CDKL1: variants seen among roughly 807,000 people sequenced by gnomAD.
CDKL1 encodes the protein cyclin dependent kinase like 1.
A neutral mutation model predicts 42.0 loss-of-function variants in CDKL1; 41 were observed. The observed-to-expected ratio is 0.98, with a 90% CI of 0.76 to 1.27. The LOEUF (loss-of-function observed/expected upper bound fraction) is 1.27, where lower values mean the gene tolerates loss of function less well. Ranked by LOEUF, CDKL1 falls within the 50% of genes most tolerant of loss-of-function variation. The pLI, the probability that CDKL1 is intolerant of heterozygous loss-of-function variation, is 0.00. For missense variants in CDKL1, 394 were observed against 428.4 expected, an observed-to-expected ratio of 0.92 and a Z score of 0.71; for synonymous variants, 153 against 158.6, an observed-to-expected ratio of 0.96 and a Z score of 0.26.
intron 8 of CDKL1, chr14:50,333,065 GGATA>G: frequency 6.1e-6 from 1 of 162,732 alleles, no homozygotes; most frequent in Non-Finnish European, 1.3e-5. Context: ...GCTCATTCTT[GGATA>G]GATTAGATTA....
chr14:50,329,919 C>G lies in CDKL1; in HGVS notation c.*155G>C. The G allele has an allele frequency of 1.2e-6, 1 of 843,194 alleles. No homozygotes were observed. Among genetic ancestry groups the G allele is most frequent in the Non-Finnish European group, 1.7e-6 (1 of 573,884 alleles). 52.2% of individuals were successfully genotyped at this position (843,194 alleles called of 1,614,324 possible). A position where few individuals can be genotyped will look rare whatever the true frequency, so the allele number is the denominator to read the frequency against. ...GCATGGAAGACTGGATCTGGAATTT[C>G]CCTTCATATCTTGCCAGTTGGCCTC... On this transcript the variant is annotated 3_prime_UTR_variant, in exon 10 of 10. Transcript: ENST00000395834.
chr14:50,339,301 G>C lies in CDKL1; in HGVS notation c.656-272C>G, dbSNP rs11570845. ...CAGGTTCTTGTTCTCAGAGCCTACA[G>C]TGTACTGAAGGAACCCAAACCAAAC... On this transcript the variant is annotated intron_variant, in intron 6 of 9. Transcript: ENST00000395834. Among the ~76,000 whole-genome samples, 1,483 of 152,214 alleles carry C rather than the reference G, an allele frequency of 9.7e-3. 27 individuals carry two copies. The highest frequency in any genetic ancestry group is 0.033 in the African/African-American group (1,352 of 41,514).
intron 3 of CDKL1, among the ~76,000 whole-genome samples, chr14:50,356,599 G>A (rs979989311): frequency 1.1e-4 from 17 of 152,178 alleles, no homozygotes; most frequent in Admixed American, 9.8e-4. Flanking sequence ...AACACCACAT[G>A]TTCTCACTTA....
At chr14:50,353,369 A>G (rs1047944781) in intron 3 of CDKL1, among the ~76,000 whole-genome samples, 3 of 152,190 alleles carry the variant, frequency 2.0e-5, no homozygotes, top group Non-Finnish European at 4.4e-5. Flanking sequence ...ATTCTCAATT[A>G]CAGAAGTCAT....
intron 4 of CDKL1, among the ~76,000 whole-genome samples, chr14:50,343,447 A>C (rs1412420928): frequency 6.6e-6 from 1 of 152,132 alleles, no homozygotes; most frequent in Admixed American, 6.5e-5. Context: ...GGGTAAATAA[A>C]ACAACTTTGG....
intron 2 of CDKL1, among the ~76,000 whole-genome samples, chr14:50,368,439 A>T (rs569272701): frequency 4.0e-5 from 6 of 150,942 alleles, no homozygotes; most frequent in African/African-American, 1.5e-4. Context: ...TATTTTTAAA[A>T]TTTTTTTAGA....
intron 2 of CDKL1, among the ~76,000 whole-genome samples, chr14:50,388,345 G>A (rs2035148603): frequency 6.6e-6 from 1 of 152,242 alleles, no homozygotes; most frequent in Non-Finnish European, 1.5e-5. Context: ...AGCACATTCA[G>A]TTAAGCACTT....
intron 3 of CDKL1, among the ~76,000 whole-genome samples, chr14:50,347,162 T>C (rs2033754344): frequency 6.6e-6 from 1 of 152,238 alleles, no homozygotes; most frequent in Admixed American, 6.5e-5. Flanking sequence ...CATCTTGAAC[T>C]GGCTACTCAC....
At chr14:50,335,151 C>T (rs1195100813) in intron 7 of CDKL1, among the ~76,000 whole-genome samples, 1 of 151,434 alleles carries the variant, frequency 6.6e-6, no homozygotes, top group African/African-American at 2.4e-5. Flanking sequence ...AAAAAACTAG[C>T]TGGGGGTGGT....
At position 50,329,995 on chromosome 14, in the gene CDKL1, T is replaced by A; in HGVS notation, c.*79A>T. 1 of 1,505,202 alleles carries A rather than the reference T, an allele frequency of 6.6e-7. No individual in the cohort carries two copies. The highest frequency in any genetic ancestry group is 1.3e-5 in the South Asian group (1 of 78,486). The allele number at this position is 1,505,202 out of a possible 1,614,324, so 93.2% of individuals were successfully genotyped here. A position where few individuals can be genotyped will look rare whatever the true frequency, so the allele number is the denominator to read the frequency against. The stretch of plus-strand genomic sequence containing the variant: ...TGGTGTGTTTTCAACATTGTAATTG[T>A]TTTCAATCAACTGTATAAGTTTTAT... On this transcript the variant is annotated 3_prime_UTR_variant, in exon 10 of 10. Coordinates refer to ENST00000395834, the MANE Select transcript of CDKL1 (RefSeq NM_004196.7).
intron 2 of CDKL1, chr14:50,376,503 G>A (rs2034735511): frequency 5.5e-6 from 2 of 361,238 alleles, no homozygotes; most frequent in Admixed American, 6.8e-5. Flanking sequence ...ATTCAGACCA[G>A]GAAATAATAA....
intron 3 of CDKL1, among the ~76,000 whole-genome samples, chr14:50,347,742 T>A (rs1404860143): frequency 6.6e-6 from 1 of 152,072 alleles, no homozygotes; most frequent in African/African-American, 2.4e-5. Flanking sequence ...GCATAGCATA[T>A]GGGTGGTATT....
At position 50,329,066 on chromosome 14, in the gene CDKL1, TACAC is replaced by T. The variant is rs2032813758; in HGVS notation, c.*1004_*1007del. ...ATATATATATATATATATATATACA[TACAC>T]ATACATACACATACAAACATAGTGC... On this transcript the variant is annotated 3_prime_UTR_variant, in exon 10 of 10. Transcript: ENST00000395834. 1 of 144,834 alleles carries T rather than the reference TACAC, an allele frequency of 6.9e-6. No individual in the cohort carries two copies. The highest frequency in any genetic ancestry group is 1.5e-5 in the Non-Finnish European group (1 of 65,942). 9.0% of individuals were successfully genotyped at this position (144,834 alleles called of 1,614,324 possible).
intron 6 of CDKL1, 107 bp from the exon 7 acceptor site, chr14:50,339,136 G>A: frequency 2.5e-6 from 2 of 790,732 alleles, no homozygotes; most frequent in Admixed American, 1.8e-5. Flanking sequence ...CATGGACACT[G>A]CAGTGTTCTT....
At chr14:50,350,226 T>A (rs1159978281) in intron 3 of CDKL1, among the ~76,000 whole-genome samples, 1 of 152,194 alleles carries the variant, frequency 6.6e-6, no homozygotes, top group Non-Finnish European at 1.5e-5. Flanking sequence ...AAGATGTTCT[T>A]AAAATTGTAG....
intron 3 of CDKL1, among the ~76,000 whole-genome samples, chr14:50,350,544 G>A (rs913495732): frequency 4.6e-5 from 7 of 152,120 alleles, no homozygotes; most frequent in East Asian, 1.9e-4. Context: ...AACTTTAGAC[G>A]AGCCATATAT....
chr14:50,393,984 C>T (rs922661967), intron 2 of CDKL1, among the ~76,000 whole-genome samples: 4 of 152,124 alleles, frequency 2.6e-5, no homozygotes, highest in Non-Finnish European at 5.9e-5. Flanking sequence ...AACTAGTGTG[C>T]TTTGGGGATA....
At position 50,359,151 on chromosome 14, in the gene CDKL1, T is replaced by A. The variant is rs1164052922; in HGVS notation, c.169-2A>T. Reference sequence around the variant, plus strand: ...AACAAGGTTGGGATGCTTGAGTTGCTGAAAACACAAAAAAACAAGTTACTA... The same window carrying A: ...AACAAGGTTGGGATGCTTGAGTTGCAGAAAACACAAAAAAACAAGTTACTA... On this transcript the variant is annotated splice_acceptor_variant, in intron 2 of 9. Coordinates refer to ENST00000395834, the MANE Select transcript of CDKL1 (RefSeq NM_004196.7). LOFTEE classifies it high-confidence loss of function. The A allele has an allele frequency of 6.2e-7, 1 of 1,600,088 alleles. No individual in the cohort carries two copies.
intron 2 of CDKL1, among the ~76,000 whole-genome samples, chr14:50,372,563 T>C (rs947918651): frequency 1.0e-3 from 153 of 152,382 alleles, no homozygotes; most frequent in African/African-American, 3.6e-3. Context: ...ATCCAAATTG[T>C]CCATTTTTGC....
Sources: allele counts gnomAD v4.1 joint callset (sites outside exome capture counted in the v4.1 genomes callset), GRCh38; gene constraint gnomAD v4.1.1; transcripts MANE v1.5; gene names NCBI Gene and HGNC (gene_info 2026-07-23, HGNC 2026-07-21).